TAFA2: variants seen among roughly 807,000 people sequenced by gnomAD.
The protein encoded by TAFA2 is TAFA chemokine like family member 2, also known as chemokine-like protein TAFA-2.
Under a neutral mutation model 18.8 loss-of-function variants are expected in TAFA2, and 7 were observed. The ratio of observed to expected loss-of-function variants is 0.37; its 90% CI spans 0.21 to 0.70. The LOEUF (loss-of-function observed/expected upper bound fraction) is 0.70. Ranked by LOEUF, TAFA2 falls within the 30% of genes least tolerant of loss-of-function variation. The probability of loss-of-function intolerance (pLI) is 0.53; values close to 1 mark genes in which losing one functional copy is unlikely to be tolerated. For synonymous variants in TAFA2, 60 were observed against 54.2 expected, an observed-to-expected ratio of 1.11 and a Z score of -0.47; for missense variants, 122 against 158.1, an observed-to-expected ratio of 0.77 and a Z score of 1.23.
chr12:61,920,485 C>T (rs1592486930), intron 1 of TAFA2, among the ~76,000 whole-genome samples: 1 of 152,248 alleles, frequency 6.6e-6, no homozygotes, highest in Admixed American at 6.5e-5. Context: ...TAGTTTGCCC[C>T]ATATATTTAC....
At chr12:62,209,084 C>T (rs1354566139) in intron 1 of TAFA2, among the ~76,000 whole-genome samples, 1 of 152,182 alleles carries the variant, frequency 6.6e-6, no homozygotes, top group Non-Finnish European at 1.5e-5. Context: ...TTTTTGAAAA[C>T]AAACAGACTT....
intron 4 of TAFA2, among the ~76,000 whole-genome samples, chr12:61,715,979 G>A (rs889409374): frequency 5.3e-5 from 8 of 152,004 alleles, no homozygotes; most frequent in South Asian, 4.1e-4. Context: ...GTTCCATGAA[G>A]GTAGGCTGCC....
At chr12:61,790,188 A>AAAAG (rs34320899) in intron 2 of TAFA2, among the ~76,000 whole-genome samples, 4 of 150,320 alleles carry the variant, frequency 2.7e-5, no homozygotes, top group African/African-American at 9.8e-5. Context: ...AAAAAAAAAA[A>AAAAG]TCCCCAAAAT....
At chr12:62,079,372 G>A (rs1592322524) in intron 1 of TAFA2, among the ~76,000 whole-genome samples, 1 of 152,038 alleles carries the variant, frequency 6.6e-6, no homozygotes, top group East Asian at 1.9e-4. Context: ...TTTAACAGTG[G>A]CCGGGCGCCG....
Position 61,814,854 on chromosome 12 carries a change from G to A in TAFA2, c.106+52466C>T, listed in dbSNP as rs1039249542. On this transcript the variant is annotated intron_variant, in intron 2 of 4. Coordinates refer to ENST00000416284, the MANE Select transcript of TAFA2 (RefSeq NM_178539.5). ...GCTGCTGGCTTTGAAGATGAAGGGT[G>A]AAGCCACAAGCCAAGTAATGTCAGT... Among the ~76,000 whole-genome samples the A allele has an allele frequency of 5.9e-5, 9 of 151,484 alleles. No homozygotes were observed. In the East Asian group the frequency reaches 1.7e-3, roughly 29 times the overall value.
At chr12:61,959,185 C>G (rs1465457332) in intron 1 of TAFA2, among the ~76,000 whole-genome samples, 2 of 151,840 alleles carry the variant, frequency 1.3e-5, no homozygotes, top group Non-Finnish European at 2.9e-5. Flanking sequence ...TCCATGTAAA[C>G]TATAATTTCA....
chr12:62,186,197 G>A (rs928167460), intron 1 of TAFA2, among the ~76,000 whole-genome samples: 1 of 152,120 alleles, frequency 6.6e-6, no homozygotes, highest in African/African-American at 2.4e-5. Context: ...AGCTACAGGA[G>A]GCCATAGGCA....
chr12:61,833,773 C>T (rs1872808084), intron 2 of TAFA2, among the ~76,000 whole-genome samples: 2 of 151,898 alleles, frequency 1.3e-5, no homozygotes. Flanking sequence ...GGGTGATTCC[C>T]TATTCAAAGA....
At chr12:61,922,509 C>T (rs961695190) in intron 1 of TAFA2, among the ~76,000 whole-genome samples, 1 of 152,192 alleles carries the variant, frequency 6.6e-6, no homozygotes, top group African/African-American at 2.4e-5. Context: ...GGGGAACCCC[C>T]TCCCCTAGCC....
intron 2 of TAFA2, among the ~76,000 whole-genome samples, chr12:61,788,307 A>G (rs1233603827): frequency 6.6e-6 from 1 of 151,740 alleles, no homozygotes; most frequent in African/African-American, 2.4e-5. Context: ...CAGACCAAAA[A>G]CATCAACAAA....
In TAFA2 at chr12:62,044,410, G is replaced by C. The variant is rs146264516; in HGVS notation, c.-2+146849C>G. Among the ~76,000 whole-genome samples the C allele has an allele frequency of 6.0e-4, 91 of 152,230 alleles. 1 individual carries two copies. Among genetic ancestry groups the C allele is most frequent in the African/African-American group, 2.1e-3 (89 of 41,558 alleles). ...ATGCTAAGAATCTAAGTCTGGGAAA[G>C]GGGCTATCAAAAGGGAGCAAAGGGC... On this transcript the variant is annotated intron_variant, in intron 1 of 4. Transcript: ENST00000416284.
At chr12:61,859,950 C>T (rs1452738715) in intron 2 of TAFA2, among the ~76,000 whole-genome samples, 1 of 152,006 alleles carries the variant, frequency 6.6e-6, no homozygotes, top group Non-Finnish European at 1.5e-5. Flanking sequence ...AACATTTTAA[C>T]ATAAAAAAGA....
At chr12:62,172,508 T>C (rs1236584668) in intron 1 of TAFA2, among the ~76,000 whole-genome samples, 1 of 152,230 alleles carries the variant, frequency 6.6e-6, no homozygotes, top group African/African-American at 2.4e-5. Context: ...TCTAAGAGCA[T>C]GTAACTCCAA....
chr12:62,167,000 G>A lies in TAFA2; in HGVS notation c.-2+24259C>T, dbSNP rs190640146. Among the ~76,000 whole-genome samples the A allele has an allele frequency of 1.2e-3, 188 of 152,162 alleles. 3 individuals are homozygous for A. Among genetic ancestry groups the A allele is most frequent in the African/African-American group, 4.2e-3 (174 of 41,528 alleles). ...ACATGCACAAATGAAGTGCCATGCA[G>A]CTGTAAAAAAATGACTTAGCGATGT... On this transcript the variant is annotated intron_variant, in intron 1 of 4. Coordinates refer to ENST00000416284, the MANE Select transcript of TAFA2 (RefSeq NM_178539.5).
At chr12:61,718,691 A>T (rs1049635238) in intron 4 of TAFA2, among the ~76,000 whole-genome samples, 1 of 152,144 alleles carries the variant, frequency 6.6e-6, no homozygotes, top group African/African-American at 2.4e-5. Flanking sequence ...GAAATTCTGA[A>T]CTCAATTCAA....
intron 2 of TAFA2, among the ~76,000 whole-genome samples, chr12:61,849,278 C>T (rs1873541180): frequency 6.6e-6 from 1 of 152,072 alleles, no homozygotes; most frequent in Admixed American, 6.6e-5. Flanking sequence ...TATGTTTCAC[C>T]CAAGTGCATT....
intron 1 of TAFA2, among the ~76,000 whole-genome samples, chr12:62,064,388 A>G (rs1322322881): frequency 6.6e-6 from 1 of 152,118 alleles, no homozygotes; most frequent in Non-Finnish European, 1.5e-5. Flanking sequence ...TTGGTTTTGA[A>G]TAATTAAAAA....
At chr12:62,182,500 C>T (rs530866255) in intron 1 of TAFA2, among the ~76,000 whole-genome samples, 1 of 152,180 alleles carries the variant, frequency 6.6e-6, no homozygotes, top group African/African-American at 2.4e-5. Context: ...CCATAGTCCA[C>T]GGGCCAACAG....
At chr12:61,998,193 C>G (rs1012286688) in intron 1 of TAFA2, among the ~76,000 whole-genome samples, 1 of 152,178 alleles carries the variant, frequency 6.6e-6, no homozygotes, top group South Asian at 2.1e-4. Context: ...ATGCAGTTGC[C>G]CATTCCTGTC....
Sources: gnomAD v4.1 joint callset for allele counts (sites outside exome capture counted in the v4.1 genomes callset) on GRCh38, gnomAD v4.1.1 for gene constraint, MANE v1.5 for transcripts, NCBI Gene and HGNC (gene_info 2026-07-23, HGNC 2026-07-21) for gene names.